GLYATL2: variants seen among roughly 807,000 people sequenced by gnomAD.
GLYATL2 encodes the protein glycine N-acyltransferase-like protein 2.
GLYATL2 carries 25 observed loss-of-function variants against 21.4 expected under a neutral mutation model. The observed-to-expected ratio is 1.17, with a 90% CI of 0.85 to 1.63. The LOEUF (loss-of-function observed/expected upper bound fraction) is 1.63, where lower values mean the gene tolerates loss of function less well. GLYATL2 is among the 40% of genes most tolerant of loss of function. The pLI is 0.00. For synonymous variants in GLYATL2, 114 were observed against 118.2 expected (o/e 0.96, Z 0.23); for missense variants, 361 against 343.3 (o/e 1.05, Z -0.41).
chr11:58,861,976 T>C (rs1853939513), intron 1 of GLYATL2, among the ~76,000 whole-genome samples: 1 of 152,164 alleles, frequency 6.6e-6, no homozygotes, highest in Admixed American at 6.5e-5. Context: ...GTAAGACAGC[T>C]CTGATGGTGA....
At chr11:58,898,628 G>A (rs1590756009) in intron 1 of GLYATL2, among the ~76,000 whole-genome samples, 1 of 151,942 alleles carries the variant, frequency 6.6e-6, no homozygotes, top group Non-Finnish European at 1.5e-5. Context: ...AAGGTCAGGA[G>A]ATCGAGACCA....
At chr11:58,858,216 C>T (rs1853866897) in intron 1 of GLYATL2, among the ~76,000 whole-genome samples, 1 of 152,118 alleles carries the variant, frequency 6.6e-6, no homozygotes, top group Non-Finnish European at 1.5e-5. Flanking sequence ...GCTTTAAGTT[C>T]CTTGAGTGCT....
rs1590755607 is a variant in GLYATL2, at chr11:58,898,092, T to C, written n.60+6064A>G. Among the ~76,000 whole-genome samples the C allele has an allele frequency of 2.6e-5, 4 of 152,354 alleles. No individual in the cohort carries two copies. In the South Asian group the frequency reaches 6.2e-4, roughly 24 times the overall value. ...CCCTTAGTAATTTTTATTCAATCAC[T>C]AGTATTTGTTTCTAATGCTCATAAT... On this transcript the variant is annotated intron_variant and non_coding_transcript_variant, in intron 1 of 4. Transcript: ENST00000533636.
intron 1 of GLYATL2, among the ~76,000 whole-genome samples, chr11:58,900,958 G>A (rs1464216203): frequency 6.6e-6 from 1 of 150,564 alleles, no homozygotes; most frequent in African/African-American, 2.5e-5. Context: ...TATTCCAGTA[G>A]GTTAGTTCTC....
chr11:58,890,753 C>T (rs7129823), intron 1 of GLYATL2, among the ~76,000 whole-genome samples: 50,494 of 150,748 alleles, frequency 0.33, 10,139 homozygotes, highest in Middle Eastern at 0.47. Context: ...TCTCTGTTTC[C>T]GTTCTCATCT....
In GLYATL2 at chr11:58,894,476, C is replaced by CCAAAAAAAAAAA. The variant is rs5792135; in HGVS notation, n.60+9679_60+9680insTTTTTTTTTTTG. On this transcript the variant is annotated intron_variant and non_coding_transcript_variant, in intron 1 of 4. Coordinates refer to the GLYATL2 transcript ENST00000533636. ...ATTACTGTGAACATTGCAGCTATAG[C>CCAAAAAAAAAAA]AAAAAAAAAAAAAAAAAGCATTTTC... Among the ~76,000 whole-genome samples the CCAAAAAAAAAAA allele has an allele frequency of 1.4e-4, 16 of 116,542 alleles. 7 individuals are homozygous for CCAAAAAAAAAAA. Among genetic ancestry groups the CCAAAAAAAAAAA allele is most frequent in the South Asian group, 2.8e-4 (1 of 3,538 alleles). The allele number at this position is 116,542 out of a possible 152,430, so 76.5% of individuals were successfully genotyped here. A position where few individuals can be genotyped will look rare whatever the true frequency, so the allele number is the denominator to read the frequency against.
intron 1 of GLYATL2, among the ~76,000 whole-genome samples, chr11:58,883,576 T>C (rs1022484530): frequency 2.6e-5 from 4 of 152,176 alleles, no homozygotes; most frequent in African/African-American, 9.7e-5. Context: ...CAATTATCAA[T>C]AGCCTACCAA....
At chr11:58,851,291 A>G (rs912727313) in intron 1 of GLYATL2, among the ~76,000 whole-genome samples, 7 of 152,184 alleles carry the variant, frequency 4.6e-5, no homozygotes, top group African/African-American at 1.7e-4. Context: ...GTGGAGAAAA[A>G]CGCACAGACC....
chr11:58,889,259 T>A (rs1854497732), intron 1 of GLYATL2, among the ~76,000 whole-genome samples: 1 of 152,008 alleles, frequency 6.6e-6, no homozygotes, highest in Non-Finnish European at 1.5e-5. Flanking sequence ...TGTTTTTTTG[T>A]GTGTGTGGGG....
intron 1 of GLYATL2, among the ~76,000 whole-genome samples, chr11:58,871,912 T>C (rs781709504): frequency 1.3e-5 from 2 of 152,168 alleles, no homozygotes; most frequent in Admixed American, 6.5e-5. Context: ...GGTGTAAAAG[T>C]GTTCCTATTT....
At chr11:58,905,337 T>C (rs1049707271), upstream of GLYATL2, 3 of 402,566 alleles carry the variant, frequency 7.5e-6, no homozygotes, top group African/African-American at 6.1e-5. Context: ...AGCTGGAAGC[T>C]GGGCCTCTGC....
intron 1 of GLYATL2, among the ~76,000 whole-genome samples, chr11:58,888,195 T>C (rs1854476333): frequency 6.6e-6 from 1 of 152,146 alleles, no homozygotes; most frequent in Admixed American, 6.5e-5. Flanking sequence ...ATTCTGTAAG[T>C]GTTTTGGATA....
chr11:58,838,038 G>A (rs1434933064), intron 3 of GLYATL2, among the ~76,000 whole-genome samples: 3 of 152,130 alleles, frequency 2.0e-5, no homozygotes, highest in Middle Eastern at 3.2e-3. Flanking sequence ...TTGACTGGGT[G>A]GAATCCTAAT....
intron 1 of GLYATL2, among the ~76,000 whole-genome samples, chr11:58,881,684 C>A (rs1441469802): frequency 6.6e-6 from 1 of 152,102 alleles, no homozygotes; most frequent in African/African-American, 2.4e-5. Flanking sequence ...GTGTGCTGCA[C>A]CCATTAACTC....
chr11:58,851,292 C>T lies in GLYATL2; in HGVS notation n.61-12924G>A, dbSNP rs182497108. On this transcript the variant is annotated intron_variant and non_coding_transcript_variant, in intron 1 of 4. Transcript: ENST00000533636. ...TCATCTCTGCACATGTGGAGAAAAA[C>T]GCACAGACCCTGTGGGGCTGGCCAC... 4.8e-3 allele frequency among the ~76,000 whole-genome samples: 724 copies of T among 152,270 alleles called. 6 individuals are homozygous for T. The highest frequency in any genetic ancestry group is 0.016 in the African/African-American group (676 of 41,564).
At chr11:58,898,424 T>C (rs1854670538) in intron 1 of GLYATL2, among the ~76,000 whole-genome samples, 1 of 152,204 alleles carries the variant, frequency 6.6e-6, no homozygotes, top group Non-Finnish European at 1.5e-5. Context: ...ATTGTCCATT[T>C]AGAGTTAACT....
intron 1 of GLYATL2, among the ~76,000 whole-genome samples, chr11:58,897,017 C>G (rs923378040): frequency 2.6e-5 from 4 of 152,178 alleles, no homozygotes; most frequent in African/African-American, 9.7e-5. Flanking sequence ...TTTTACTTTA[C>G]TATGGACACT....
At chr11:58,888,007 T>G (rs1465040892) in intron 1 of GLYATL2, among the ~76,000 whole-genome samples, 2 of 152,210 alleles carry the variant, frequency 1.3e-5, no homozygotes, top group Admixed American at 6.5e-5. Context: ...TTGTCCCTTT[T>G]CAATTTATGC....
chr11:58,877,321 G>A (rs1489793882), intron 1 of GLYATL2, among the ~76,000 whole-genome samples: 1 of 152,222 alleles, frequency 6.6e-6, no homozygotes, highest in Non-Finnish European at 1.5e-5. Context: ...GATGAACCCA[G>A]TACCTCAGTT....
Sources: allele counts gnomAD v4.1 joint callset (sites outside exome capture counted in the v4.1 genomes callset), GRCh38; gene constraint gnomAD v4.1.1; transcripts MANE v1.5; gene names NCBI Gene and HGNC (gene_info 2026-07-23, HGNC 2026-07-21).